Variants in TRABD observed in about 807,000 individuals in gnomAD.
TRABD encodes TraB domain containing.
A neutral mutation model predicts 39.6 loss-of-function variants in TRABD; 23 were observed. The observed-to-expected ratio is 0.58, with a 90% confidence interval of 0.42 to 0.82. The LOEUF (loss-of-function observed/expected upper bound fraction) is 0.82, where lower values mean the gene tolerates loss of function less well. Among genes scored for constraint, TRABD ranks in the 40% least tolerant of loss-of-function variants. TRABD has a pLI of 0.00. For missense variants in TRABD, 487 were observed against 544.9 expected (o/e 0.89, Z 1.06); for synonymous variants, 243 against 232.1 (o/e 1.05, Z -0.43).
intron 5 of TRABD, 50 bp from the exon 6 acceptor site, chr22:50,197,191 G>GCGGGGGGCCCCCCC: frequency 6.4e-7 from 1 of 1,553,438 alleles, no homozygotes; most frequent in African/African-American, 1.4e-5. Flanking sequence ...TTCCCCCAGC[G>GCGGGGGGCCCCCCC]CACCCCCGCA....
intron 4 of TRABD, 110 bp from the exon 5 acceptor site, chr22:50,194,790 G>T: frequency 1.3e-6 from 2 of 1,491,712 alleles, no homozygotes; most frequent in East Asian, 2.3e-5. Flanking sequence ...TAGCCCTGGG[G>T]TGACGCCAAG....
At chr22:50,187,627 G>C (rs1220435743) in intron 1 of TRABD, among the ~76,000 whole-genome samples, 1 of 152,234 alleles carries the variant, frequency 6.6e-6, no homozygotes, top group Non-Finnish European at 1.5e-5. Context: ...AAGGGGATAA[G>C]ATGGGTGTCT....
At chr22:50,197,069 G>A in intron 5 of TRABD, 172 bp from the exon 6 acceptor site, 1 of 627,054 alleles carries the variant, frequency 1.6e-6, no homozygotes. Context: ...GCTCTGGTCT[G>A]ACCCTCTGCA....
chr22:50,197,825 A>C lies in TRABD; in HGVS notation c.674A>C (p.Lys225Thr). Residue 225 changes from lysine (K) to threonine (T), a missense_variant and splice_region_variant, in exon 8 of 10, where the codon AAG becomes ACG. Around this residue, in one of 3 missense-constraint regions of TRABD, gnomAD observed 358 missense variants for 414.7 expected, o/e 0.86. Coordinates refer to ENST00000380909, the MANE Select transcript of TRABD (RefSeq NM_001320485.2). ...GCTGCAGCCATCCCTCTCCACAGCAAGGATGACGTGGAACGCTGCAAGCAG... is the reference window on the plus strand; with the variant it reads ...GCTGCAGCCATCCCTCTCCACAGCACGGATGACGTGGAACGCTGCAAGCAG... ...GLCFLSDPISKDDVERCKQKD... is the reference protein window; with the variant it reads ...GLCFLSDPISTDDVERCKQKD... 6.5e-7 allele frequency: 1 copy of C among 1,538,434 alleles called. No homozygotes were observed. Among genetic ancestry groups the C allele is most frequent in the East Asian group, 2.6e-5 (1 of 38,072 alleles).
At chr22:50,194,868 T>C (rs370609007) in intron 4 of TRABD, 32 bp from the exon 5 acceptor site, 97 of 1,604,036 alleles carry the variant, frequency 6.0e-5, no homozygotes, top group Non-Finnish European at 7.8e-5. Flanking sequence ...GGAGCGGCTG[T>C]GTTCTCGAGG....
rs202137436 is a variant in TRABD, at chr22:50,199,175, C to A, written c.*656C>A. 1 of 716,678 alleles carries A rather than the reference C, an allele frequency of 1.4e-6. No individual in the cohort carries two copies. The highest frequency in any genetic ancestry group is 1.5e-5 in the South Asian group (1 of 67,656). The allele number at this position is 716,678 out of a possible 1,614,324, so 44.4% of individuals were successfully genotyped here. ...GCCTTAAATCCAAAGGGAGAGAATT[C>A]GTGTTCTTGGGTCTGTCCCGAGTGG... On this transcript the variant is annotated 3_prime_UTR_variant, in exon 10 of 10. Coordinates refer to ENST00000380909, the MANE Select transcript of TRABD (RefSeq NM_001320485.2).
At position 50,198,919 on chromosome 22, in the gene TRABD, C is replaced by A. The variant is rs1442415569; in HGVS notation, c.*400C>A. ...TGTGCTCCGGCCACAGGAGCGTCGG[C>A]CCAGGGGCGGCTCCTGGGGGCTCCA... On this transcript the variant is annotated 3_prime_UTR_variant, in exon 10 of 10. Transcript: ENST00000380909. This position sits in a 1 kb window ranked among gnomAD's most constrained non-coding sequence, Gnocchi z 7.9. 2 of 587,008 alleles carry A rather than the reference C, an allele frequency of 3.4e-6. No individual in the cohort carries two copies. The highest frequency in any genetic ancestry group is 1.9e-5 in the African/African-American group (1 of 53,124). 36.4% of individuals were successfully genotyped at this position (587,008 alleles called of 1,614,324 possible).
rs1280638136 is a variant in TRABD, at chr22:50,198,138, G to A, written c.908G>A (p.Gly303Asp). The A allele has an allele frequency of 6.2e-7, 1 of 1,612,668 alleles. No individual in the cohort carries two copies. Among genetic ancestry groups the A allele is most frequent in the Admixed American group, 1.7e-5 (1 of 59,974 alleles). The change falls in exon 9 of 10, where the codon GGC (glycine) becomes GAC (aspartate). Residue 303 changes from glycine to aspartate, a missense_variant. Around this residue, in one of 3 missense-constraint regions of TRABD, gnomAD observed 6 missense variants for 21.9 expected, o/e 0.27. Coordinates refer to ENST00000380909, the MANE Select transcript of TRABD (RefSeq NM_001320485.2). This position sits in a 1 kb window ranked among gnomAD's most constrained non-coding sequence, Gnocchi z 7.9. ...VGVVGMGHVP[G>D]IEKNWSTDLN... ...GTCGTGGGCATGGGCCACGTGCCTG[G>A]CATCGAGAAGAACTGGAGCACCGAC...
chr22:50,198,512 A>C lies in TRABD; in HGVS notation c.1124A>C (p.His375Pro). 1 of 1,562,446 alleles carries C rather than the reference A, an allele frequency of 6.4e-7. No individual in the cohort carries two copies. Among genetic ancestry groups the C allele is most frequent in the South Asian group, 1.2e-5 (1 of 86,364 alleles). Reference protein sequence around the residue: ...YCLQRVTEARHK With the variant: ...YCLQRVTEARPK ...CTGCAGAGGGTGACCGAGGCCCGGC[A>C]CAAGTAGGAGACTGCTCCCCGCCCG... is the stretch of plus-strand genomic sequence containing the variant. The change falls in exon 10 of 10, where the codon CAC (histidine) becomes CCC (proline). Residue 375 changes from histidine to proline, a missense_variant. Physicochemically the swap from His to Pro is moderately conservative, Grantham distance 77. Around this residue, in one of 3 missense-constraint regions of TRABD, gnomAD observed 123 missense variants for 108.3 expected, o/e 1.14. Transcript: ENST00000380909. The surrounding 1 kb of genome is among the most constrained non-coding windows in gnomAD (Gnocchi z 7.9).
rs112236087 is a variant in TRABD at position 50,198,584 on chromosome 22, A to G, written c.*65A>G. 1,295 of 1,427,696 alleles carry G rather than the reference A, an allele frequency of 9.1e-4. 12 individuals carry two copies. The African/African-American group carries it at 0.017, about 19-fold the overall frequency. 88.4% of individuals were successfully genotyped at this position (1,427,696 alleles called of 1,614,324 possible). A position where few individuals can be genotyped will look rare whatever the true frequency, so the allele number is the denominator to read the frequency against. Reference sequence around the variant, plus strand: ...TGCCCCCGCGGCACTTCTGGGTGCCAGGTGCATCCTAGCCCGCCCGAGGCC... The same window carrying G: ...TGCCCCCGCGGCACTTCTGGGTGCCGGGTGCATCCTAGCCCGCCCGAGGCC... On this transcript the variant is annotated 3_prime_UTR_variant, in exon 10 of 10. Transcript: ENST00000380909. The surrounding 1 kb of genome is among the most constrained non-coding windows in gnomAD (Gnocchi z 7.9).
chr22:50,194,266 C>A, intron 3 of TRABD, 74 bp from the exon 4 acceptor site: 1 of 1,554,882 alleles, frequency 6.4e-7, no homozygotes, highest in Non-Finnish European at 8.7e-7. Context: ...GGTTCTAGAG[C>A]CCAGGCTGCC....
intron 3 of TRABD, 142 bp from the exon 4 acceptor site, chr22:50,194,196 AGT>A: frequency 9.7e-7 from 1 of 1,029,046 alleles, no homozygotes; most frequent in Non-Finnish European, 1.4e-6. Flanking sequence ...AAGCCTGTGG[AGT>A]GTGACGCTCG....
intron 1 of TRABD, among the ~76,000 whole-genome samples, chr22:50,186,776 C>T (rs2063770996): frequency 6.6e-6 from 1 of 152,260 alleles, no homozygotes; most frequent in East Asian, 1.9e-4. Context: ...GAAGTGGACG[C>T]CAGATCGTCC....
intron 1 of TRABD, among the ~76,000 whole-genome samples, chr22:50,188,786 A>G (rs1264359850): frequency 1.3e-5 from 2 of 152,200 alleles, no homozygotes; most frequent in Non-Finnish European, 2.9e-5. Flanking sequence ...ACTGGATGTC[A>G]GGTCCTGGGA....
At chr22:50,186,489 G>A (rs2063760922) in intron 1 of TRABD, among the ~76,000 whole-genome samples, 1 of 152,142 alleles carries the variant, frequency 6.6e-6, no homozygotes, top group South Asian at 2.1e-4. Flanking sequence ...GGTCAGCGGC[G>A]GCCTCGCGGG....
intron 4 of TRABD, 37 bp from the exon 5 acceptor site, chr22:50,194,863 G>C (rs753248230): frequency 3.7e-6 from 6 of 1,601,410 alleles, no homozygotes; most frequent in Admixed American, 1.7e-5. Context: ...GGCAGGGAGC[G>C]GCTGTGTTCT....
In TRABD at chr22:50,198,537, G is replaced by A. The variant is rs749953135; in HGVS notation, c.*18G>A. 36 of 1,508,274 alleles carry A rather than the reference G, an allele frequency of 2.4e-5. 1 individual carries two copies. The Middle Eastern group carries it at 7.8e-4, about 33-fold the overall frequency. The allele number at this position is 1,508,274 out of a possible 1,614,324, so 93.4% of individuals were successfully genotyped here. A position where few individuals can be genotyped will look rare whatever the true frequency, so the allele number is the denominator to read the frequency against. ...ACAAGTAGGAGACTGCTCCCCGCCC[G>A]CTCGGGCCCCTGAGGAGCCAGTGCC... On this transcript the variant is annotated 3_prime_UTR_variant, in exon 10 of 10. Coordinates refer to ENST00000380909, the MANE Select transcript of TRABD (RefSeq NM_001320485.2). The surrounding 1 kb of genome is among the most constrained non-coding windows in gnomAD (Gnocchi z 7.9).
rs1335127276 is a variant in TRABD, at chr22:50,198,110, G to A, written c.880G>A (p.Gly294Ser). The A allele has an allele frequency of 2.5e-6, 4 of 1,612,664 alleles. No individual in the cohort carries two copies. Among genetic ancestry groups the A allele is most frequent in the African/African-American group, 1.3e-5 (1 of 74,870 alleles). ...PRKCVPSVVV[G>S]VVGMGHVPGI... ...GAAGTGCGTCCCCTCCGTGGTCGTG[G>A]GCGTCGTGGGCATGGGCCACGTGCC... Residue 294 changes from glycine to serine, a missense_variant, in exon 9 of 10, where the codon GGC becomes AGC. Around this residue, in one of 3 missense-constraint regions of TRABD, gnomAD observed 6 missense variants for 21.9 expected, o/e 0.27. Coordinates refer to ENST00000380909, the MANE Select transcript of TRABD (RefSeq NM_001320485.2). This position sits in a 1 kb window ranked among gnomAD's most constrained non-coding sequence, Gnocchi z 7.9.
rs1013505534 is a variant in TRABD at position 50,198,725 on chromosome 22, G to T, written c.*206G>T. ...TTAACTGTCTGAGCTCAGGCCTCCCGGCAGCCCCTCCCCTCCCACACTGCA... is the reference window on the plus strand; with the variant it reads ...TTAACTGTCTGAGCTCAGGCCTCCCTGCAGCCCCTCCCCTCCCACACTGCA... On this transcript the variant is annotated 3_prime_UTR_variant, in exon 10 of 10. Coordinates refer to ENST00000380909, the MANE Select transcript of TRABD (RefSeq NM_001320485.2). The surrounding 1 kb of genome is among the most constrained non-coding windows in gnomAD (Gnocchi z 7.9). 1.8e-6 allele frequency: 1 copy of T among 555,888 alleles called. No homozygotes were observed. The highest frequency in any genetic ancestry group is 3.7e-5 in the Admixed American group (1 of 27,328). 34.4% of individuals were successfully genotyped at this position (555,888 alleles called of 1,614,324 possible).
Sources: allele counts gnomAD v4.1 joint callset (sites outside exome capture counted in the v4.1 genomes callset), GRCh38; gene constraint gnomAD v4.1.1; regional missense constraint gnomAD v4.1.1; non-coding constraint Gnocchi (gnomAD v3.1); transcripts MANE v1.5; gene names NCBI Gene and HGNC (gene_info 2026-07-23, HGNC 2026-07-21).